PARD3B: variants seen among roughly 807,000 people sequenced by gnomAD.
PARD3B encodes the protein par-3 family cell polarity regulator beta, also known as partitioning defective 3 homolog B.
In PARD3B, 103 loss-of-function variants were observed where a neutral mutation model predicts 130.2. The observed-to-expected ratio is 0.79, with a 90% CI of 0.67 to 0.93. The LOEUF is 0.93. PARD3B is among the 40% of genes least tolerant of loss of function. The pLI is 0.00. For synonymous variants in PARD3B, 583 were observed against 553.2 expected (o/e 1.05, Z -0.76); for missense variants, 1,609 against 1,499.2 (o/e 1.07, Z -1.21).
chr2:204,990,398 A>G (rs910844067), intron 3 of PARD3B, among the ~76,000 whole-genome samples: 1 of 152,020 alleles, frequency 6.6e-6, no homozygotes, highest in Non-Finnish European at 1.5e-5. Flanking sequence ...TTGTGTTGGG[A>G]ACATTTTGAA....
intron 1 of PARD3B, among the ~76,000 whole-genome samples, chr2:204,563,003 A>G (rs2031418445): frequency 6.6e-6 from 1 of 152,136 alleles, no homozygotes; most frequent in African/African-American, 2.4e-5. Flanking sequence ...ATGTACCACA[A>G]ACTGGGTGGT....
chr2:205,066,914 A>T (rs762916595), intron 4 of PARD3B, among the ~76,000 whole-genome samples: 17 of 151,910 alleles, frequency 1.1e-4, no homozygotes, highest in Non-Finnish European at 1.8e-4. Flanking sequence ...GTTGAAACTG[A>T]CTTGGAGTCA....
In PARD3B at chr2:204,602,445, T is replaced by A. The variant is rs564198973; in HGVS notation, c.120+56326T>A. Among the ~76,000 whole-genome samples, 566 of 150,604 alleles carry A rather than the reference T, an allele frequency of 3.8e-3. 2 individuals are homozygous for A. The highest frequency in any genetic ancestry group is 6.3e-3 in the Admixed American group (96 of 15,134). Reference sequence around the variant, plus strand: ...CAGTTTAAAAAAAATAAAAACAGTTTAAAAAAAAATAAAAACAAAACTGTT... The same window carrying A: ...CAGTTTAAAAAAAATAAAAACAGTTAAAAAAAAAATAAAAACAAAACTGTT... On this transcript the variant is annotated intron_variant, in intron 1 of 22. Transcript: ENST00000406610.
intron 19 of PARD3B, among the ~76,000 whole-genome samples, chr2:205,425,061 T>G (rs756553149): frequency 2.0e-5 from 3 of 152,228 alleles, no homozygotes; most frequent in Non-Finnish European, 4.4e-5. Context: ...TACAGCTCTT[T>G]CTTCAGTGTT....
chr2:205,206,072 G>T (rs190641152), intron 15 of PARD3B, among the ~76,000 whole-genome samples: 1 of 152,094 alleles, frequency 6.6e-6, no homozygotes, highest in Non-Finnish European at 1.5e-5. Flanking sequence ...ACTTTGTCTG[G>T]TCCTGGGCTT....
intron 1 of PARD3B, among the ~76,000 whole-genome samples, chr2:204,654,345 A>G (rs1305109690): frequency 6.6e-6 from 1 of 151,264 alleles, no homozygotes; most frequent in Non-Finnish European, 1.5e-5. Flanking sequence ...GGAACCATAA[A>G]CATGAGGATT....
chr2:204,622,357 G>A (rs1370475157), intron 1 of PARD3B, among the ~76,000 whole-genome samples: 1 of 152,038 alleles, frequency 6.6e-6, no homozygotes, highest in Admixed American at 6.6e-5. Flanking sequence ...CAACTCCCAC[G>A]ATACCCTCAT....
At position 204,953,418 on chromosome 2, in the gene PARD3B, CACA is replaced by C. The variant is rs1689961612; in HGVS notation, c.223-11733_223-11731del. 1.8e-3 allele frequency among the ~76,000 whole-genome samples: 217 copies of C among 117,520 alleles called. 2 individuals are homozygous for C. The highest frequency in any genetic ancestry group is 6.4e-3 in the African/African-American group (201 of 31,318). 77.1% of individuals were successfully genotyped at this position (117,520 alleles called of 152,430 possible). A position where few individuals can be genotyped will look rare whatever the true frequency, so the allele number is the denominator to read the frequency against. On this transcript the variant is annotated intron_variant, in intron 2 of 22. Coordinates refer to ENST00000406610, the MANE Select transcript of PARD3B (RefSeq NM_001302769.2). ...ACATATATATGTTAACATACACACA[CACA>C]GAGAGAGAGAGAGAGAGAGAGAGAG... is the stretch of plus-strand genomic sequence containing the variant.
At chr2:205,519,374 A>G (rs2050935455) in intron 21 of PARD3B, among the ~76,000 whole-genome samples, 1 of 152,144 alleles carries the variant, frequency 6.6e-6, no homozygotes, top group Non-Finnish European at 1.5e-5. Context: ...TCTGCTGTTA[A>G]TACTTGTGAT....
chr2:205,254,826 G>A (rs367780493), intron 16 of PARD3B, among the ~76,000 whole-genome samples: 2 of 151,094 alleles, frequency 1.3e-5, no homozygotes, highest in South Asian at 2.1e-4. Context: ...CACCTCGCCC[G>A]GCTAATTTTT....
intron 16 of PARD3B, among the ~76,000 whole-genome samples, chr2:205,279,091 A>AAAAG (rs2041086949): frequency 6.6e-6 from 1 of 150,390 alleles, no homozygotes; most frequent in South Asian, 2.1e-4. Flanking sequence ...AAAAAAAAAA[A>AAAAG]AAAAACAGTT....
intron 4 of PARD3B, among the ~76,000 whole-genome samples, chr2:205,094,175 T>C: frequency 6.6e-6 from 1 of 152,148 alleles, no homozygotes; most frequent in East Asian, 1.9e-4. Flanking sequence ...TTTCAGTAGG[T>C]CTTATAAGCT....
Position 205,216,895 on chromosome 2 carries a change from C to T in PARD3B, c.2140+23575C>T, listed in dbSNP as rs2037942325. ...CCAATCCAGGGTCTCCGTGAAGGTACCAGAGGCCTAGGCTCCTTCTCCTCT... is the reference window on the plus strand; with the variant it reads ...CCAATCCAGGGTCTCCGTGAAGGTATCAGAGGCCTAGGCTCCTTCTCCTCT... On this transcript the variant is annotated intron_variant, in intron 15 of 22. Coordinates refer to ENST00000406610, the MANE Select transcript of PARD3B (RefSeq NM_001302769.2). Among the ~76,000 whole-genome samples the T allele has an allele frequency of 2.0e-5, 3 of 152,186 alleles. No individual in the cohort carries two copies. In the East Asian group the frequency reaches 5.8e-4, roughly 29 times the overall value.
chr2:204,846,480 C>T (rs960280995), intron 2 of PARD3B, among the ~76,000 whole-genome samples: 2 of 151,680 alleles, frequency 1.3e-5, no homozygotes, highest in Non-Finnish European at 2.9e-5. Context: ...TTGCTGTGGA[C>T]ACAAAGTTCA....
chr2:205,438,812 G>A (rs1242210618), intron 19 of PARD3B, among the ~76,000 whole-genome samples: 1 of 152,104 alleles, frequency 6.6e-6, no homozygotes, highest in Non-Finnish European at 1.5e-5. Context: ...AATTACTTCT[G>A]TGTAGGGCAC....
At chr2:204,631,131 C>T (rs985997464) in intron 1 of PARD3B, among the ~76,000 whole-genome samples, 6 of 152,174 alleles carry the variant, frequency 3.9e-5, no homozygotes, top group South Asian at 4.2e-4. Context: ...AGCTGAATCC[C>T]GGAGATTCTG....
At chr2:205,212,798 C>G (rs953722435) in intron 15 of PARD3B, among the ~76,000 whole-genome samples, 6 of 152,140 alleles carry the variant, frequency 3.9e-5, no homozygotes. Flanking sequence ...CTTTGACTCT[C>G]TTTTACATAT....
At chr2:204,734,818 G>A (rs1230597815) in intron 2 of PARD3B, among the ~76,000 whole-genome samples, 1 of 152,044 alleles carries the variant, frequency 6.6e-6, no homozygotes, top group African/African-American at 2.4e-5. Flanking sequence ...TCATCGTGGT[G>A]ATGGTCACAC....
At chr2:205,426,918 CA>C (rs1486016995) in intron 19 of PARD3B, among the ~76,000 whole-genome samples, 1 of 151,824 alleles carries the variant, frequency 6.6e-6, no homozygotes, top group East Asian at 1.9e-4. Context: ...TTTGAAAAAT[CA>C]AGGGGGAAAA....
Sources: allele counts gnomAD v4.1 joint callset (sites outside exome capture counted in the v4.1 genomes callset), GRCh38; gene constraint gnomAD v4.1.1; transcripts MANE v1.5; gene names NCBI Gene and HGNC (gene_info 2026-07-23, HGNC 2026-07-21).